The following RELN variants were observed in gnomAD, a reference collection of about 807,000 sequenced individuals.
RELN encodes the protein reelin.
A neutral mutation model predicts 427.6 loss-of-function variants in RELN; 108 were observed. The ratio of observed to expected loss-of-function variants is 0.25; its 90% CI spans 0.22 to 0.30. The LOEUF (loss-of-function observed/expected upper bound fraction) is 0.30. Ranked by LOEUF, RELN falls within the 10% of genes least tolerant of loss-of-function variation. The probability of loss-of-function intolerance (pLI) is 1.00; values close to 1 mark genes in which losing one functional copy is unlikely to be tolerated. For synonymous variants in RELN, 1,524 were observed against 1,513.4 expected (o/e 1.01, Z -0.16); for missense variants, 3,715 against 4,302.8 (o/e 0.86, Z 3.82).
At chr7:103,939,903 G>A (rs542677610) in intron 1 of RELN, among the ~76,000 whole-genome samples, 25 of 152,270 alleles carry the variant, frequency 1.6e-4, no homozygotes, top group African/African-American at 6.0e-4. Context: ...TGTAATGGTA[G>A]GATCCAATTC....
At chr7:103,813,127 C>A (rs1271937751) in intron 3 of RELN, among the ~76,000 whole-genome samples, 1 of 152,122 alleles carries the variant, frequency 6.6e-6, no homozygotes, top group Non-Finnish European at 1.5e-5. Flanking sequence ...GTAGATACTA[C>A]GTTTGTTTCC....
Position 103,611,729 on chromosome 7 carries a change from T to C in RELN, c.2777A>G (p.Tyr926Cys), listed in dbSNP as rs1831963655. The C allele has an allele frequency of 2.5e-6, 4 of 1,613,860 alleles. No individual in the cohort carries two copies. The highest frequency in any genetic ancestry group is 1.3e-5 in the African/African-American group (1 of 74,924). Reference protein sequence around the residue: ...ETQSMQIGASYMIQFSLVMGC... With the variant: ...ETQSMQIGASCMIQFSLVMGC... The stretch of plus-strand genomic sequence containing the variant: ...CATCACCAAACTGAACTGAATCATA[T>C]AGGATGCTCCTATCTGCATTGATTG... The change falls in exon 21 of 65, where the codon TAT becomes TGT. Residue 926 changes from tyrosine (Y) to cysteine (C), a missense_variant. Coordinates refer to ENST00000428762, the MANE Select transcript of RELN (RefSeq NM_005045.4).
chr7:103,611,705 A>G lies in RELN; in HGVS notation c.2801T>C (p.Met934Thr). The G allele has an allele frequency of 6.2e-7, 1 of 1,613,936 alleles. No homozygotes were observed. The highest frequency in any genetic ancestry group is 8.5e-7 in the Non-Finnish European group (1 of 1,179,950). Residue 934 changes from methionine to threonine, a missense_variant, in exon 21 of 65, where the codon ATG becomes ACG. By Grantham distance (81) the Met-to-Thr change is moderately conservative. Around this residue, in one of 4 missense-constraint regions of RELN, gnomAD observed 2,208 missense variants for 2,361.7 expected, o/e 0.93. Coordinates refer to ENST00000428762, the MANE Select transcript of RELN (RefSeq NM_005045.4). Reference protein sequence around the residue: ...ASYMIQFSLVMGCGQKYTPHM... With the variant: ...ASYMIQFSLVTGCGQKYTPHM... ...TGGGGTGTATTTCTGGCCACATCCC[A>G]TCACCAAACTGAACTGAATCATATA... is the stretch of plus-strand genomic sequence containing the variant.
intron 17 of RELN, among the ~76,000 whole-genome samples, chr7:103,639,001 T>C (rs895146936): frequency 6.6e-6 from 1 of 152,214 alleles, no homozygotes; most frequent in African/African-American, 2.4e-5. Context: ...GTAATTTTTT[T>C]CCCCAAAACT....
chr7:103,926,119 T>TTTTTTTTTTA (rs1795729234), intron 1 of RELN, among the ~76,000 whole-genome samples: 1 of 133,014 alleles, frequency 7.5e-6, no homozygotes, highest in Non-Finnish European at 1.7e-5. Context: ...TTTTTTTTTT[T>TTTTTTTTTTA]GAGATGGAGT....
At chr7:103,907,003 C>A (rs1465897657) in intron 2 of RELN, among the ~76,000 whole-genome samples, 1 of 152,018 alleles carries the variant, frequency 6.6e-6, no homozygotes, top group Non-Finnish European at 1.5e-5. Flanking sequence ...CTGGTAACTG[C>A]CAAATATCCA....
chr7:103,757,587 AAAG>A (rs1791191943), intron 4 of RELN, among the ~76,000 whole-genome samples: 3 of 152,342 alleles, frequency 2.0e-5, no homozygotes, highest in Admixed American at 2.0e-4. Context: ...AAATGTTCTT[AAAG>A]AAGTGGGTTT....
chr7:103,861,692 G>A (rs1794075141), intron 2 of RELN, among the ~76,000 whole-genome samples: 1 of 152,108 alleles, frequency 6.6e-6, no homozygotes, highest in African/African-American at 2.4e-5. Flanking sequence ...TAGGTCATTG[G>A]ATTTGGCTCA....
chr7:103,904,450 G>T (rs546585731), intron 2 of RELN, among the ~76,000 whole-genome samples: 6 of 152,244 alleles, frequency 3.9e-5, no homozygotes, highest in African/African-American at 9.6e-5. Flanking sequence ...CACAATGGTT[G>T]AACTAACTTA....
chr7:103,495,300 T>C (rs1828806087), intron 57 of RELN, among the ~76,000 whole-genome samples: 1 of 150,870 alleles, frequency 6.6e-6, no homozygotes, highest in Middle Eastern at 3.2e-3. Context: ...GGATTACAGG[T>C]GTGCACTACC....
intron 60 of RELN, among the ~76,000 whole-genome samples, chr7:103,486,680 GAA>G (rs1828452182): frequency 6.6e-6 from 1 of 152,126 alleles, no homozygotes; most frequent in Admixed American, 6.5e-5. Context: ...GGTCATTAGA[GAA>G]ATGCAAATCA....
At chr7:103,520,645 C>G (rs551236138) in intron 48 of RELN, among the ~76,000 whole-genome samples, 14 of 152,246 alleles carry the variant, frequency 9.2e-5, no homozygotes, top group Non-Finnish European at 1.9e-4. Context: ...TACAGATAAT[C>G]TAATTACTGT....
chr7:103,638,578 A>G (rs1399262878), intron 17 of RELN, among the ~76,000 whole-genome samples: 1 of 152,194 alleles, frequency 6.6e-6, no homozygotes, highest in East Asian at 1.9e-4. Context: ...TTTTGCTCAA[A>G]TTCAATAAGG....
At chr7:103,523,369 A>T in intron 47 of RELN, 22 bp downstream of exon 47, 1 of 1,614,116 alleles carries the variant, frequency 6.2e-7, no homozygotes, top group Admixed American at 1.7e-5. Flanking sequence ...TTTCAACAGA[A>T]GGAAGAAAAA....
At chr7:103,745,875 G>C (rs149804940) in intron 6 of RELN, among the ~76,000 whole-genome samples, 78,934 of 152,008 alleles carry the variant, frequency 0.52, 20,625 homozygotes, top group Non-Finnish European at 0.54. Flanking sequence ...CCAACCCAAT[G>C]AAGCTACCAA....
At chr7:103,783,906 C>T (rs1046993091) in intron 3 of RELN, among the ~76,000 whole-genome samples, 5 of 152,100 alleles carry the variant, frequency 3.3e-5, no homozygotes, top group African/African-American at 1.2e-4. Flanking sequence ...AATAACATCA[C>T]TAAATGATTT....
At chr7:103,912,905 A>C (rs1795401792) in intron 2 of RELN, among the ~76,000 whole-genome samples, 2 of 150,592 alleles carry the variant, frequency 1.3e-5, no homozygotes, top group South Asian at 4.3e-4. Context: ...AAAGTCAAAG[A>C]CAAGAGAGAA....
intron 2 of RELN, among the ~76,000 whole-genome samples, chr7:103,845,528 C>G (rs770283786): frequency 9.2e-5 from 14 of 152,166 alleles, no homozygotes; most frequent in African/African-American, 2.9e-4. Context: ...TGGCTGCTGT[C>G]ATATCTGTAA....
In RELN at chr7:103,510,857, T is replaced by C. The variant is rs143469522; in HGVS notation, c.8268A>G (p.Gln2756=). 2.1e-5 allele frequency: 34 copies of C among 1,612,766 alleles called. No individual in the cohort carries two copies. In the African/African-American group the frequency reaches 3.6e-4, roughly 17 times the overall value. ...DLTPTEGWIM[Q]FKISVGCKVS... ...CAAGATCATAACATTTCACCTTGAA[T>C]TGCATAATCCAGCCTTCAGTGGGAG... The change falls in exon 51 of 65, where the codon CAA becomes CAG. Residue 2756 remains glutamine, a synonymous_variant. Coordinates refer to ENST00000428762, the MANE Select transcript of RELN (RefSeq NM_005045.4).
Sources: gnomAD v4.1 joint callset for allele counts (sites outside exome capture counted in the v4.1 genomes callset) on GRCh38, gnomAD v4.1.1 for gene constraint, gnomAD v4.1.1 regional missense constraint, MANE v1.5 for transcripts, NCBI Gene and HGNC (gene_info 2026-07-23, HGNC 2026-07-21) for gene names.